The following ZNF341 variants were observed in gnomAD, a reference collection of about 807,000 sequenced individuals.
The protein encoded by ZNF341 is zinc finger protein 341.
A neutral mutation model predicts 87.7 loss-of-function variants in ZNF341; 52 were observed. The ratio of observed to expected loss-of-function variants is 0.59; its 90% confidence interval spans 0.47 to 0.75. The LOEUF (loss-of-function observed/expected upper bound fraction) is 0.75. ZNF341 is among the 30% of genes least tolerant of loss of function. The pLI, the probability that ZNF341 is intolerant of heterozygous loss-of-function variation, is 0.00. For missense variants in ZNF341, 977 were observed against 1,145.9 expected, an observed-to-expected ratio of 0.85 and a Z score of 2.13; for synonymous variants, 459 against 472.7, an observed-to-expected ratio of 0.97 and a Z score of 0.38.
intron 10 of ZNF341, among the ~76,000 whole-genome samples, chr20:33,776,925 G>T (rs575412914): frequency 1.2e-4 from 18 of 152,148 alleles, no homozygotes; most frequent in Admixed American, 1.0e-3. Flanking sequence ...TTCCCAAAGT[G>T]CTGGGATTAC....
At chr20:33,771,473 T>G (rs976801448) in intron 10 of ZNF341, among the ~76,000 whole-genome samples, 17 of 151,830 alleles carry the variant, frequency 1.1e-4, no homozygotes, top group African/African-American at 4.1e-4. Context: ...CTTGAATTCC[T>G]GGACTCAAGT....
In ZNF341 at chr20:33,769,959, G is replaced by C. The variant is rs116654772; in HGVS notation, c.1414-125G>C. Reference sequence around the variant, plus strand: ...AAAACCCTGGGATCCAGTAGCAGCAGGGGGGCAGAGGGAGCAGTGGTCAGA... The same window carrying C: ...AAAACCCTGGGATCCAGTAGCAGCACGGGGGCAGAGGGAGCAGTGGTCAGA... On this transcript the variant is annotated intron_variant, in intron 9 of 14. Coordinates refer to ENST00000375200, the MANE Select transcript of ZNF341 (RefSeq NM_001282933.2). 5.0e-3 allele frequency: 3,230 copies of C among 647,412 alleles called. 66 individuals are homozygous for C. In the African/African-American group the frequency reaches 0.052, roughly 10 times the overall value. 40.1% of individuals were successfully genotyped at this position (647,412 alleles called of 1,614,324 possible). A position where few individuals can be genotyped will look rare whatever the true frequency, so the allele number is the denominator to read the frequency against.
At chr20:33,784,561 C>A (rs2122733710) in intron 12 of ZNF341, among the ~76,000 whole-genome samples, 1 of 146,540 alleles carries the variant, frequency 6.8e-6, no homozygotes, top group Non-Finnish European at 1.5e-5. Flanking sequence ...GGATTCCCAC[C>A]ACCGCTAAAG....
At chr20:33,788,548 T>C (rs898576398) in intron 12 of ZNF341, 14 of 400,202 alleles carry the variant, frequency 3.5e-5, no homozygotes, top group Non-Finnish European at 6.6e-5. Flanking sequence ...TCCCTGTTGT[T>C]CATCAGCACC....
In ZNF341 at chr20:33,761,263, CTATT is replaced by C. The variant is rs887218501; in HGVS notation, c.1029-583_1029-580del. 4.6e-5 allele frequency among the ~76,000 whole-genome samples: 7 copies of C among 150,850 alleles called. No homozygotes were observed. In the East Asian group the frequency reaches 9.8e-4, roughly 21 times the overall value. The stretch of plus-strand genomic sequence containing the variant: ...TTTTTGCTTCAAATGACAGAAGTCC[CTATT>C]TATTTATTTATTTATGAGATGGAGT... On this transcript the variant is annotated intron_variant, in intron 7 of 14. Coordinates refer to ENST00000375200, the MANE Select transcript of ZNF341 (RefSeq NM_001282933.2).
In ZNF341 at chr20:33,791,733, G is replaced by A. The variant is rs1310175020; in HGVS notation, c.*216G>A. The stretch of plus-strand genomic sequence containing the variant: ...GCAACATTCTAGGGTTGGGGGCAGG[G>A]CCATCCACGGTTTCTGGGCAGAGCC... On this transcript the variant is annotated 3_prime_UTR_variant, in exon 15 of 15. Coordinates refer to ENST00000375200, the MANE Select transcript of ZNF341 (RefSeq NM_001282933.2). The A allele has an allele frequency of 3.8e-6, 2 of 528,282 alleles. No homozygotes were observed. Among genetic ancestry groups the A allele is most frequent in the East Asian group, 2.9e-5 (1 of 34,154 alleles). The allele number at this position is 528,282 out of a possible 1,614,324, so 32.7% of individuals were successfully genotyped here.
chr20:33,781,233 C>T (rs542183776), intron 10 of ZNF341, 58 bp from the exon 11 acceptor site: 41 of 1,377,504 alleles, frequency 3.0e-5, no homozygotes, highest in Admixed American at 1.3e-4. Context: ...GTGGCCGGGG[C>T]GCTGCTTCCT....
intron 6 of ZNF341, 115 bp downstream of exon 6, chr20:33,757,458 T>G: frequency 2.1e-6 from 2 of 940,108 alleles, no homozygotes; most frequent in Non-Finnish European, 1.4e-6. Context: ...TAATAGAAAA[T>G]TCAAAATATC....
intron 1 of ZNF341, among the ~76,000 whole-genome samples, chr20:33,735,930 G>T (rs1171025537): frequency 2.0e-5 from 3 of 151,820 alleles, no homozygotes; most frequent in Non-Finnish European, 4.4e-5. Context: ...ATCATAAAGT[G>T]TATACCATTG....
intron 9 of ZNF341, among the ~76,000 whole-genome samples, chr20:33,769,772 A>T (rs73622547): frequency 0.2 from 30,998 of 152,134 alleles, 3,899 homozygotes; most frequent in East Asian, 0.56. Context: ...TTAGCTGGGC[A>T]TGGTGGTGTG....
chr20:33,746,228 C>CTTTTTT (rs34461652), intron 3 of ZNF341, among the ~76,000 whole-genome samples: 1 of 104,096 alleles, frequency 9.6e-6, no homozygotes, highest in African/African-American at 4.8e-5. Context: ...CGCGCCCGGC[C>CTTTTTT]TTTTTTTTTT....
At chr20:33,753,703 A>C (rs1281075726) in intron 5 of ZNF341, among the ~76,000 whole-genome samples, 3 of 152,250 alleles carry the variant, frequency 2.0e-5, no homozygotes. Context: ...CAGAACAGTC[A>C]GAGAATGCCT....
chr20:33,762,034 C>A lies in ZNF341; in HGVS notation c.1201C>A (p.Gln401Lys). ...VQVMALNPSR[Q>K]EDEESTGLGQ... is the part of the protein sequence containing the mutation. ...GGTCATGGCCCTGAACCCCAGCAGG[C>A]AGGAGGACGAGGAAAGCACAGGTGG... Residue 401 changes from glutamine (Q) to lysine (K), a missense_variant, in exon 8 of 15, where the codon CAG (glutamine) becomes AAG (lysine). Coordinates refer to ENST00000375200, the MANE Select transcript of ZNF341 (RefSeq NM_001282933.2). 6.4e-7 allele frequency: 1 copy of A among 1,566,024 alleles called. No individual in the cohort carries two copies. The highest frequency in any genetic ancestry group is 1.7e-5 in the Admixed American group (1 of 57,884).
intron 9 of ZNF341, 65 bp downstream of exon 9, chr20:33,767,106 T>A (rs1458974455): frequency 1.2e-5 from 18 of 1,532,100 alleles, no homozygotes; most frequent in Non-Finnish European, 1.6e-5. Flanking sequence ...GGTGCTAGGG[T>A]CTTGAATGCT....
At chr20:33,765,645 G>A (rs992392310) in intron 8 of ZNF341, among the ~76,000 whole-genome samples, 2 of 152,126 alleles carry the variant, frequency 1.3e-5, no homozygotes, top group Admixed American at 6.6e-5. Context: ...CTCCTAAAGT[G>A]CTGGGATTAT....
chr20:33,768,442 T>C (rs1441484570), intron 9 of ZNF341, among the ~76,000 whole-genome samples: 1 of 149,542 alleles, frequency 6.7e-6, no homozygotes, highest in South Asian at 2.1e-4. Context: ...GTTTTTTTTT[T>C]AGACAGGGTC....
At position 33,791,156 on chromosome 20, in the gene ZNF341, C is replaced by T. The variant is rs1178533674; in HGVS notation, c.2204C>T (p.Pro735Leu). Residue 735 changes from proline (P) to leucine (L), a missense_variant, in exon 15 of 15, where the codon CCC (proline) becomes CTC (leucine). Pro to Leu is a moderately conservative substitution (Grantham distance 98, BLOSUM62 -3). This residue lies in a region of ZNF341 where 221 missense variants were observed against 212.7 expected (regional missense o/e 1.04). Coordinates refer to ENST00000375200, the MANE Select transcript of ZNF341 (RefSeq NM_001282933.2). ...YLKDHRCRLG[P>L]QKDKDLQTRR... ...AAAGATCACCGCTGTCGTCTCGGCC[C>T]CCAAAAGGACAAGGACCTGCAAACC... 6.2e-7 allele frequency: 1 copy of T among 1,613,264 alleles called. No individual in the cohort carries two copies. Among genetic ancestry groups the T allele is most frequent in the South Asian group, 1.1e-5 (1 of 91,088 alleles).
intron 9 of ZNF341, among the ~76,000 whole-genome samples, chr20:33,769,235 G>GCA: frequency 6.6e-6 from 1 of 152,176 alleles, no homozygotes; most frequent in East Asian, 1.9e-4. Context: ...CCGGCTATAG[G>GCA]CAGGCTCCTT....
intron 11 of ZNF341, among the ~76,000 whole-genome samples, chr20:33,781,880 G>A (rs954380115): frequency 1.4e-4 from 21 of 151,906 alleles, no homozygotes; most frequent in South Asian, 2.1e-4. Context: ...GAGTTTCACC[G>A]TGTTGCCCAG....
Sources: allele counts gnomAD v4.1 joint callset (sites outside exome capture counted in the v4.1 genomes callset), GRCh38; gene constraint gnomAD v4.1.1; regional missense constraint gnomAD v4.1.1; transcripts MANE v1.5; gene names NCBI Gene and HGNC (gene_info 2026-07-23, HGNC 2026-07-21).